Variants in CDH13 observed in about 807,000 individuals in gnomAD.
CDH13 encodes the protein cadherin-13.
Under a neutral mutation model 63.8 loss-of-function variants are expected in CDH13, and 24 were observed. That is an observed-to-expected ratio of 0.38 (90% CI 0.27 to 0.53). The LOEUF (loss-of-function observed/expected upper bound fraction) is 0.53. Ranked by LOEUF, CDH13 falls within the 20% of genes least tolerant of loss-of-function variation. CDH13 has a pLI of 0.85. For missense variants in CDH13, 1,049 were observed against 903.1 expected, an observed-to-expected ratio of 1.16 and a Z score of -2.07; for synonymous variants, 503 against 355.3, an observed-to-expected ratio of 1.42 and a Z score of -4.67.
intron 5 of CDH13, among the ~76,000 whole-genome samples, chr16:83,316,201 T>C (rs2090101559): frequency 6.6e-6 from 1 of 152,120 alleles, no homozygotes; most frequent in African/African-American, 2.4e-5. Context: ...CATGATCTGA[T>C]CACCTCCCAC....
intron 6 of CDH13, among the ~76,000 whole-genome samples, chr16:83,391,588 C>G (rs1470032311): frequency 1.3e-5 from 2 of 152,098 alleles, no homozygotes; most frequent in Admixed American, 1.3e-4. Flanking sequence ...GGTAAATATG[C>G]AAATGCAAAT....
At chr16:82,729,064 T>G (rs375451517) in intron 1 of CDH13, among the ~76,000 whole-genome samples, 3 of 152,194 alleles carry the variant, frequency 2.0e-5, no homozygotes, top group Non-Finnish European at 4.4e-5. Flanking sequence ...CTATTTCTAA[T>G]TATAGTTGTC....
chr16:82,908,070 G>A (rs2041706379), intron 2 of CDH13, among the ~76,000 whole-genome samples: 1 of 151,952 alleles, frequency 6.6e-6, no homozygotes, highest in African/African-American at 2.4e-5. Flanking sequence ...TGGATTTATT[G>A]TGCTTATTAT....
chr16:83,137,204 C>T (rs1459887395), intron 4 of CDH13, among the ~76,000 whole-genome samples: 2 of 152,224 alleles, frequency 1.3e-5, no homozygotes, highest in African/African-American at 4.8e-5. Context: ...TTTTTGACAA[C>T]TCTGCCTGTT....
intron 1 of CDH13, among the ~76,000 whole-genome samples, chr16:82,783,793 A>G (rs1462184564): frequency 6.6e-6 from 1 of 151,274 alleles, no homozygotes. Context: ...AAGGACAGAG[A>G]AAGAACAGAG....
chr16:83,216,820 G>A (rs1328940406), intron 4 of CDH13, among the ~76,000 whole-genome samples: 1 of 150,746 alleles, frequency 6.6e-6, no homozygotes, highest in Non-Finnish European at 1.5e-5. Context: ...GTATATATGT[G>A]TATATATGTA....
At chr16:83,208,827 C>G (rs2039254409) in intron 4 of CDH13, among the ~76,000 whole-genome samples, 1 of 152,120 alleles carries the variant, frequency 6.6e-6, no homozygotes, top group African/African-American at 2.4e-5. Context: ...GCGCATCAAT[C>G]TGGTTGGATG....
intron 4 of CDH13, among the ~76,000 whole-genome samples, chr16:83,158,993 C>T (rs1225164122): frequency 6.6e-6 from 1 of 152,168 alleles, no homozygotes; most frequent in Non-Finnish European, 1.5e-5. Context: ...TCATCCTTTG[C>T]CTCTCATTTG....
intron 1 of CDH13, among the ~76,000 whole-genome samples, chr16:82,737,896 T>C (rs975581703): frequency 6.6e-6 from 1 of 152,246 alleles, no homozygotes; most frequent in African/African-American, 2.4e-5. Context: ...ATCAGCTTCA[T>C]AATCAAGGCT....
At chr16:83,063,101 A>C (rs371515595) in intron 3 of CDH13, among the ~76,000 whole-genome samples, 2 of 151,948 alleles carry the variant, frequency 1.3e-5, no homozygotes, top group Non-Finnish European at 2.9e-5. Flanking sequence ...AGCTGAGACT[A>C]CAGGCACGTG....
intron 6 of CDH13, among the ~76,000 whole-genome samples, chr16:83,352,143 T>A (rs2090964739): frequency 6.6e-6 from 1 of 152,010 alleles, no homozygotes; most frequent in Non-Finnish European, 1.5e-5. Flanking sequence ...AGACAGCACT[T>A]GAGTTATGGT....
intron 2 of CDH13, among the ~76,000 whole-genome samples, chr16:82,930,336 C>T (rs750776923): frequency 6.6e-6 from 1 of 152,114 alleles, no homozygotes; most frequent in African/African-American, 2.4e-5. Flanking sequence ...ATGGGACTCT[C>T]TCTTTTTGAA....
chr16:83,704,511 G>A (rs1906717605), intron 10 of CDH13, among the ~76,000 whole-genome samples: 1 of 152,146 alleles, frequency 6.6e-6, no homozygotes, highest in South Asian at 2.1e-4. Context: ...TCTCAGAGCA[G>A]GCACCACTCC....
At chr16:82,999,232 C>T (rs72794137) in intron 2 of CDH13, among the ~76,000 whole-genome samples, 1 of 152,096 alleles carries the variant, frequency 6.6e-6, no homozygotes, top group Admixed American at 6.5e-5. Flanking sequence ...CTTAATGTTA[C>T]TAGCATTTAA....
chr16:83,719,557 G>A (rs186302735), intron 10 of CDH13, among the ~76,000 whole-genome samples: 39 of 152,224 alleles, frequency 2.6e-4, no homozygotes, highest in African/African-American at 8.9e-4. Context: ...GTAAGTGTTC[G>A]CTTATGAGGA....
At chr16:83,293,338 T>C (rs1310240084) in intron 5 of CDH13, among the ~76,000 whole-genome samples, 5 of 152,152 alleles carry the variant, frequency 3.3e-5, no homozygotes, top group Admixed American at 3.3e-4. Context: ...TCCCCATGCC[T>C]TCTGGGGTCC....
chr16:83,570,431 A>G (rs1302954188), intron 7 of CDH13, among the ~76,000 whole-genome samples: 1 of 151,624 alleles, frequency 6.6e-6, no homozygotes, highest in East Asian at 1.9e-4. Context: ...ATTTAACCCA[A>G]CCCTTTCTGA....
intron 2 of CDH13, among the ~76,000 whole-genome samples, chr16:82,893,428 T>G (rs1013041720): frequency 6.6e-6 from 1 of 152,212 alleles, no homozygotes; most frequent in African/African-American, 2.4e-5. Context: ...AAATGTGGAC[T>G]GGGCCAACTA....
At chr16:83,124,791 C>A (rs2035738487) in intron 3 of CDH13, among the ~76,000 whole-genome samples, 1 of 152,006 alleles carries the variant, frequency 6.6e-6, no homozygotes, top group African/African-American at 2.4e-5. Flanking sequence ...GCGTCATTTC[C>A]CTATCATATA....
Sources: gnomAD v4.1 joint callset for allele counts (sites outside exome capture counted in the v4.1 genomes callset) on GRCh38, gnomAD v4.1.1 for gene constraint, MANE v1.5 for transcripts, NCBI Gene and HGNC (gene_info 2026-07-23, HGNC 2026-07-21) for gene names.